The following IFT20 variants were observed in gnomAD, a reference collection of about 807,000 sequenced individuals.
IFT20 encodes intraflagellar transport protein 20 homolog.
In IFT20, 4 loss-of-function variants were observed where a neutral mutation model predicts 16.9. The ratio of observed to expected loss-of-function variants is 0.24; its 90% CI spans 0.12 to 0.54. IFT20 has a LOEUF of 0.54. Ranked by LOEUF, IFT20 falls within the 20% of genes least tolerant of loss-of-function variation. The pLI is 0.95. For synonymous variants in IFT20, 48 were observed against 49.9 expected (o/e 0.96, Z 0.16); for missense variants, 154 against 149.7 (o/e 1.03, Z -0.15).
Position 28,328,728 on chromosome 17 carries a change from C to G in IFT20, c.323G>C (p.Arg108Pro). Reference sequence around the variant, plus strand: ...TTTACACAAAGCTTCATATTCAACCCGATACCTGAAAAACAAAATTGTTAG... The same window carrying G: ...TTTACACAAAGCTTCATATTCAACCGGATACCTGAAAAACAAAATTGTTAG... ...AEKKMQLERYRVEYEALCKVE... is the reference protein window; with the variant it reads ...AEKKMQLERYPVEYEALCKVE... The change falls in exon 5 of 5, where the codon CGG becomes CCG. Residue 108 changes from arginine to proline, a missense_variant. Arg to Pro is a moderately radical substitution (Grantham distance 103). Transcript: ENST00000395418. The G allele has an allele frequency of 1.3e-6, 2 of 1,589,450 alleles. No individual in the cohort carries two copies. The highest frequency in any genetic ancestry group is 1.8e-5 in the Admixed American group (1 of 55,474).
intron 2 of IFT20, among the ~76,000 whole-genome samples, chr17:28,330,975 C>T (rs1906737522): frequency 6.6e-6 from 1 of 152,218 alleles, no homozygotes; most frequent in African/African-American, 2.4e-5. Flanking sequence ...ATTCTCCAGA[C>T]AGACCCCAAC....
At chr17:28,332,310 C>A in intron 1 of IFT20, 1 of 1,076,906 alleles carries the variant, frequency 9.3e-7, no homozygotes, top group African/African-American at 1.6e-5. Context: ...CTACTACATG[C>A]CAACACTGCT....
chr17:28,332,326 C>A, intron 1 of IFT20: 1 of 932,234 alleles, frequency 1.1e-6, no homozygotes, highest in East Asian at 2.7e-5. Flanking sequence ...CTGCTAGATG[C>A]TGGGGGTACA....
At chr17:28,333,894 G>A (rs1463005562) in intron 1 of IFT20, among the ~76,000 whole-genome samples, 2 of 151,934 alleles carry the variant, frequency 1.3e-5, no homozygotes, top group Admixed American at 6.6e-5. Flanking sequence ...TCACACCACT[G>A]CACTCCAGCC....
At chr17:28,330,339 C>T (rs1906680636) in intron 3 of IFT20, 104 bp downstream of exon 3, 1 of 817,076 alleles carries the variant, frequency 1.2e-6, no homozygotes, top group African/African-American at 1.7e-5. Context: ...AATTCACCCA[C>T]CCAGCCCTCT....
chr17:28,329,116 A>G, intron 4 of IFT20, 57 bp downstream of exon 4: 1 of 1,167,088 alleles, frequency 8.6e-7, no homozygotes. Flanking sequence ...ATCATTCCAG[A>G]AGGAAGAGTG....
chr17:28,330,614 G>C, intron 2 of IFT20, 86 bp from the exon 3 acceptor site: 1 of 878,144 alleles, frequency 1.1e-6, no homozygotes, highest in Non-Finnish European at 1.9e-6. Flanking sequence ...AGAGGGCAGA[G>C]CGGACTGCCC....
chr17:28,332,142 TCACCTGTTTCC>T (rs1555576659), intron 1 of IFT20, 155 bp from the exon 2 acceptor site: 1 of 1,550,836 alleles, frequency 6.4e-7, no homozygotes, highest in African/African-American at 1.4e-5. Flanking sequence ...TCTCTGAGCC[TCACCTGTTTCC>T]CATCCAGGTT....
At chr17:28,329,097 C>A (rs782794743) in intron 4 of IFT20, 76 bp downstream of exon 4, 5 of 979,692 alleles carry the variant, frequency 5.1e-6, no homozygotes, top group Middle Eastern at 4.2e-4. Flanking sequence ...AGAATAAGGA[C>A]AAGAAGTGAT....
intron 3 of IFT20, chr17:28,330,185 G>T: frequency 1.6e-6 from 1 of 619,406 alleles, no homozygotes; most frequent in South Asian, 1.9e-5. Context: ...GCAGTGAGCC[G>T]AGATTGCACC....
At chr17:28,334,320 A>C (rs1456062225) in intron 1 of IFT20, among the ~76,000 whole-genome samples, 1 of 152,266 alleles carries the variant, frequency 6.6e-6, no homozygotes, top group Non-Finnish European at 1.5e-5. Flanking sequence ...TGAAAGGGGA[A>C]GCAAGGCATT....
rs1555576393 is a variant in IFT20, at chr17:28,330,507, A to G, written c.149T>C (p.Ile50Thr). 6.2e-7 allele frequency: 1 copy of G among 1,613,044 alleles called. No homozygotes were observed. The highest frequency in any genetic ancestry group is 1.1e-5 in the South Asian group (1 of 91,050). ...FVDKIGQFQKIVGGLIELVDQ... is the reference protein window; with the variant it reads ...FVDKIGQFQKTVGGLIELVDQ... ...AACAAGCTCAATTAAACCACCAACTATTTTCTGAAACTGGCCAATTTCTTT... is the reference window on the plus strand; with the variant it reads ...AACAAGCTCAATTAAACCACCAACTGTTTTCTGAAACTGGCCAATTTCTTT... The change falls in exon 3 of 5, where the codon ATA (isoleucine) becomes ACA (threonine). Residue 50 changes from isoleucine (I) to threonine (T), a missense_variant. Coordinates refer to ENST00000395418, the MANE Select transcript of IFT20 (RefSeq NM_001267776.2).
rs139696386 is a variant in IFT20, at chr17:28,329,263, C to T, written c.227G>A (p.Arg76Gln). The change falls in exon 4 of 5, where the codon CGG becomes CAG. Residue 76 changes from arginine to glutamine, a missense_variant. Arg to Gln is a conservative substitution (Grantham distance 43). Transcript: ENST00000395418. ...ENEKMKAIGA[R>Q]NLLKSIAKQR... ...CTTTGCTATAGATTTGAGCAAGTTC[C>T]GAGCACCGATGGCCTACAGTATTGC... The T allele has an allele frequency of 3.7e-6, 6 of 1,613,600 alleles. No individual in the cohort carries two copies. The highest frequency in any genetic ancestry group is 2.2e-5 in the East Asian group (1 of 44,858).
chr17:28,332,094 A>C (rs1906825654), intron 1 of IFT20, 107 bp from the exon 2 acceptor site: 1 of 1,604,440 alleles, frequency 6.2e-7, no homozygotes, highest in South Asian at 1.1e-5. Flanking sequence ...CCAAAAACCC[A>C]GGTGTTCCAA....
chr17:28,330,877 C>G (rs1388480581), intron 2 of IFT20, among the ~76,000 whole-genome samples: 2 of 152,200 alleles, frequency 1.3e-5, no homozygotes, highest in Admixed American at 1.3e-4. Flanking sequence ...GCCAGCTGGA[C>G]CAGGGCATAC....
At chr17:28,332,313 A>G in intron 1 of IFT20, 3 of 1,033,748 alleles carry the variant, frequency 2.9e-6, no homozygotes, top group Non-Finnish European at 4.3e-6. Flanking sequence ...CTACATGCCA[A>G]CACTGCTAGA....
In IFT20 at chr17:28,328,711, A is replaced by T; in HGVS notation, c.340T>A (p.Leu114Met). The change falls in exon 5 of 5, where the codon TTG (leucine) becomes ATG (methionine). Residue 114 changes from leucine to methionine, a missense_variant. Leu to Met is a conservative substitution (Grantham distance 15). Coordinates refer to ENST00000395418, the MANE Select transcript of IFT20 (RefSeq NM_001267776.2). ...TTTTGTTCTGCTTCTACTTTACACA[A>T]AGCTTCATATTCAACCCGATACCTG... ...LERYRVEYEA[L>M]CKVEAEQNEF... The T allele has an allele frequency of 6.2e-7, 1 of 1,602,036 alleles. No individual in the cohort carries two copies. Among genetic ancestry groups the T allele is most frequent in the Non-Finnish European group, 8.5e-7 (1 of 1,174,904 alleles).
At chr17:28,329,580 A>G (rs1555576119) in intron 3 of IFT20, 1 of 274,276 alleles carries the variant, frequency 3.6e-6, no homozygotes, top group East Asian at 7.6e-5. Flanking sequence ...GTAAGCCTTC[A>G]TTTCTTCATT....
intron 1 of IFT20, chr17:28,332,764 C>T (rs1218015190): frequency 1.3e-5 from 2 of 154,518 alleles, no homozygotes; most frequent in Non-Finnish European, 1.4e-5. Flanking sequence ...TCAGCAAGAA[C>T]ATATCAAGGC....
Sources: gnomAD v4.1 joint callset for allele counts (sites outside exome capture counted in the v4.1 genomes callset) on GRCh38, gnomAD v4.1.1 for gene constraint, MANE v1.5 for transcripts, NCBI Gene and HGNC (gene_info 2026-07-23, HGNC 2026-07-21) for gene names.